PCMTD1: variants seen among roughly 807,000 people sequenced by gnomAD.
The protein encoded by PCMTD1 is protein-L-isoaspartate (D-aspartate) O-methyltransferase domain containing 1.
In PCMTD1, 12 loss-of-function variants were observed where a neutral mutation model predicts 37.6. That is an observed-to-expected ratio of 0.32 (90% CI 0.20 to 0.52). The LOEUF (loss-of-function observed/expected upper bound fraction) is 0.52, where lower values mean the gene tolerates loss of function less well. PCMTD1 is among the 20% of genes least tolerant of loss of function. The probability of loss-of-function intolerance (pLI) is 0.97; values close to 1 mark genes in which losing one functional copy is unlikely to be tolerated. For missense variants in PCMTD1, 235 were observed against 421.3 expected, an observed-to-expected ratio of 0.56 and a Z score of 3.87; for synonymous variants, 117 against 135.8, an observed-to-expected ratio of 0.86 and a Z score of 0.96.
rs773071176 is a variant in PCMTD1 at position 51,820,730 on chromosome 8, C to T, written c.707-12G>A. 7.6e-6 allele frequency: 12 copies of T among 1,571,056 alleles called. No individual in the cohort carries two copies. Among genetic ancestry groups the T allele is most frequent in the Non-Finnish European group, 8.6e-6 (10 of 1,163,354 alleles). On this transcript the variant is annotated splice_polypyrimidine_tract_variant and intron_variant, in intron 5 of 5. Transcript: ENST00000522514. ...GACAGCACAGGGAGCTAAAAACAAA[C>T]ATAAAACGCAAGAAAGAAAATATTA...
intron 1 of PCMTD1, among the ~76,000 whole-genome samples, chr8:51,862,357 TACAC>T (rs71237254): frequency 0.2 from 30,229 of 151,592 alleles, 4,723 homozygotes; most frequent in African/African-American, 0.43. Flanking sequence ...TTTATACACA[TACAC>T]ACACACACAC....
chr8:51,847,665 T>G (rs1490524676), intron 2 of PCMTD1, among the ~76,000 whole-genome samples: 1 of 152,106 alleles, frequency 6.6e-6, no homozygotes, highest in Non-Finnish European at 1.5e-5. Flanking sequence ...TACACTTACT[T>G]AACATTATGT....
chr8:51,886,911 G>T (rs932741369), intron 1 of PCMTD1, among the ~76,000 whole-genome samples: 1 of 151,748 alleles, frequency 6.6e-6, no homozygotes, highest in Non-Finnish European at 1.5e-5. Flanking sequence ...CTTTCTGAAG[G>T]TTCTTTAGGA....
intron 1 of PCMTD1, among the ~76,000 whole-genome samples, chr8:51,865,138 G>GA (rs1231258231): frequency 1.3e-5 from 2 of 152,018 alleles, no homozygotes; most frequent in African/African-American, 4.8e-5. Context: ...AGAAGGAACA[G>GA]AAAATCTGAA....
At chr8:51,841,090 G>C (rs2038141403) in intron 3 of PCMTD1, among the ~76,000 whole-genome samples, 1 of 152,074 alleles carries the variant, frequency 6.6e-6, no homozygotes, top group African/African-American at 2.4e-5. Context: ...TACATCATAA[G>C]AGCCAAACAG....
At chr8:51,875,651 G>A (rs191689907) in intron 1 of PCMTD1, among the ~76,000 whole-genome samples, 4 of 152,328 alleles carry the variant, frequency 2.6e-5, no homozygotes, top group Admixed American at 2.0e-4. Flanking sequence ...ATCATATAGT[G>A]TGGGTGTTTG....
Position 51,828,545 on chromosome 8 carries a change from T to C in PCMTD1, c.706+2899A>G, listed in dbSNP as rs139317886. On this transcript the variant is annotated intron_variant, in intron 5 of 5. Transcript: ENST00000522514. ...CTGAGGAGCTCCTTATGTCTCATGA[T>C]GGGGTTCTGGTTTCTACTAAACAAG... Among the ~76,000 whole-genome samples, 635 of 152,316 alleles carry C rather than the reference T, an allele frequency of 4.2e-3. 5 individuals carry two copies. The highest frequency in any genetic ancestry group is 0.014 in the African/African-American group (599 of 41,584).
intron 1 of PCMTD1, among the ~76,000 whole-genome samples, chr8:51,869,699 G>A (rs1167190166): frequency 6.6e-6 from 1 of 152,074 alleles, no homozygotes; most frequent in Non-Finnish European, 1.5e-5. Flanking sequence ...GACGAAAAAG[G>A]TAAATATAGA....
intron 5 of PCMTD1, among the ~76,000 whole-genome samples, chr8:51,821,217 G>A (rs146814308): frequency 1.1e-4 from 16 of 152,290 alleles, no homozygotes; most frequent in African/African-American, 3.8e-4. Context: ...ATGGCCTACT[G>A]GAGCCTCAAC....
intron 1 of PCMTD1, among the ~76,000 whole-genome samples, chr8:51,895,060 GGGTGA>G (rs1465157727): frequency 5.3e-5 from 8 of 152,152 alleles, no homozygotes; most frequent in African/African-American, 1.4e-4. Flanking sequence ...TGAGCAAAGA[GGGTGA>G]GGGGAATGAG....
chr8:51,835,208 T>A (rs566853712), intron 3 of PCMTD1, among the ~76,000 whole-genome samples: 14 of 152,330 alleles, frequency 9.2e-5, no homozygotes, highest in African/African-American at 3.4e-4. Context: ...TCTGTGTATG[T>A]GCTGTTCCCT....
chr8:51,824,776 A>T (rs955336423), intron 5 of PCMTD1, among the ~76,000 whole-genome samples: 1 of 152,184 alleles, frequency 6.6e-6, no homozygotes, highest in African/African-American at 2.4e-5. Context: ...GAGGCATCAC[A>T]CTACCTGACT....
chr8:51,887,154 A>T (rs1443437917), intron 1 of PCMTD1, among the ~76,000 whole-genome samples: 1 of 152,160 alleles, frequency 6.6e-6, no homozygotes, highest in Non-Finnish European at 1.5e-5. Flanking sequence ...TAAACTGATT[A>T]GCAACTTTAA....
intron 1 of PCMTD1, among the ~76,000 whole-genome samples, chr8:51,887,311 C>T (rs1019795658): frequency 1.3e-5 from 2 of 152,098 alleles, no homozygotes; most frequent in African/African-American, 4.8e-5. Context: ...TAATGCTGTT[C>T]CATAGAGAAT....
intron 5 of PCMTD1, among the ~76,000 whole-genome samples, chr8:51,822,426 A>C: frequency 6.6e-6 from 1 of 152,204 alleles, no homozygotes. Flanking sequence ...GCAGATGCTG[A>C]TATCAGTGAC....
intron 5 of PCMTD1, among the ~76,000 whole-genome samples, chr8:51,824,954 T>A (rs1055467880): frequency 6.6e-6 from 1 of 152,246 alleles, no homozygotes; most frequent in Non-Finnish European, 1.5e-5. Context: ...AAAGATTCCC[T>A]ATTTAATAAA....
chr8:51,871,645 A>C (rs572015144), intron 1 of PCMTD1, among the ~76,000 whole-genome samples: 1 of 152,324 alleles, frequency 6.6e-6, no homozygotes, highest in African/African-American at 2.4e-5. Context: ...CTGAAGAGAA[A>C]AATAACATCT....
chr8:51,848,121 A>T (rs1476773614), intron 2 of PCMTD1, among the ~76,000 whole-genome samples: 1 of 152,132 alleles, frequency 6.6e-6, no homozygotes, highest in African/African-American at 2.4e-5. Flanking sequence ...AAAAAAGAGA[A>T]AGAAAAAAAT....
intron 2 of PCMTD1, among the ~76,000 whole-genome samples, chr8:51,858,777 G>C (rs1193314581): frequency 1.3e-5 from 2 of 152,144 alleles, no homozygotes; most frequent in South Asian, 4.1e-4. Context: ...TCCTGGAATA[G>C]TATCCAGGAG....
Sources: gnomAD v4.1 joint callset for allele counts (sites outside exome capture counted in the v4.1 genomes callset) on GRCh38, gnomAD v4.1.1 for gene constraint, MANE v1.5 for transcripts, NCBI Gene and HGNC (gene_info 2026-07-23, HGNC 2026-07-21) for gene names.